SDK2: variants seen among roughly 807,000 people sequenced by gnomAD.
SDK2 encodes sidekick cell adhesion molecule 2, also known as protein sidekick-2.
SDK2 carries 105 observed loss-of-function variants against 253.9 expected under a neutral mutation model. The ratio of observed to expected loss-of-function variants is 0.41; its 90% CI spans 0.35 to 0.49. The LOEUF (loss-of-function observed/expected upper bound fraction) is 0.49. Ranked by LOEUF, SDK2 falls within the 20% of genes least tolerant of loss-of-function variation. The pLI is 0.06. For synonymous variants in SDK2, 1,249 were observed against 1,234.9 expected (o/e 1.01, Z -0.24); for missense variants, 2,608 against 3,003.0 (o/e 0.87, Z 3.07).
intron 2 of SDK2, among the ~76,000 whole-genome samples, chr17:73,482,394 CA>C: frequency 6.6e-6 from 1 of 152,348 alleles, no homozygotes. Context: ...CTGGGGCTTG[CA>C]CAAGCACCTG....
rs2063430354 is a variant in SDK2, at chr17:73,443,401, G to A, written c.614-2478C>T. ...CTGATATAGCTGAATCCATAAAAGTGTGCTCTAAGTTGTTTATTACATGCG... is the reference window on the plus strand; with the variant it reads ...CTGATATAGCTGAATCCATAAAAGTATGCTCTAAGTTGTTTATTACATGCG... On this transcript the variant is annotated intron_variant, in intron 5 of 44. Transcript: ENST00000392650. The surrounding 1 kb of genome is among the most constrained non-coding windows in gnomAD (Gnocchi z 4.6). 2.0e-5 allele frequency among the ~76,000 whole-genome samples: 3 copies of A among 152,146 alleles called. No homozygotes were observed.
At chr17:73,423,352 C>T (rs544122355) in intron 14 of SDK2, 34 bp downstream of exon 14, 31 of 1,375,302 alleles carry the variant, frequency 2.3e-5, no homozygotes, top group East Asian at 8.7e-5. Context: ...CAAGCTTGGG[C>T]GGGAGGTGTT....
rs953868643 is a variant in SDK2 at position 73,456,144 on chromosome 17, G to T, written c.332-91C>A. ...CAGGTTGGGAGTGGTGGCTATGGAC[G>T]GAAAATTCGGGGCAGACAGGATGAC... On this transcript the variant is annotated intron_variant, in intron 3 of 44. Coordinates refer to ENST00000392650, the MANE Select transcript of SDK2 (RefSeq NM_001144952.2). 2.1e-4 allele frequency: 279 copies of T among 1,356,056 alleles called. No homozygotes were observed. In the African/African-American group the frequency reaches 3.9e-3, roughly 19 times the overall value. 84.0% of individuals were successfully genotyped at this position (1,356,056 alleles called of 1,614,324 possible).
At chr17:73,373,842 G>A (rs1175517532) in intron 36 of SDK2, among the ~76,000 whole-genome samples, 1 of 151,488 alleles carries the variant, frequency 6.6e-6, no homozygotes, top group Non-Finnish European at 1.5e-5. Flanking sequence ...TCACCATGTT[G>A]GCCAGGCTGG....
intron 8 of SDK2, 124 bp downstream of exon 8, chr17:73,437,615 A>C: frequency 1.3e-6 from 1 of 775,368 alleles, no homozygotes; most frequent in Non-Finnish European, 2.2e-6. Context: ...AGACAGCCAG[A>C]CAGACTCTCT....
At chr17:73,473,921 A>G (rs970764606) in intron 2 of SDK2, among the ~76,000 whole-genome samples, 1 of 152,254 alleles carries the variant, frequency 6.6e-6, no homozygotes, top group Non-Finnish European at 1.5e-5. Flanking sequence ...AGAAAAATAA[A>G]TAGAAATGGT....
rs73999028 is a variant in SDK2 at position 73,388,373 on chromosome 17, T to C, written c.4193-336A>G. Among the ~76,000 whole-genome samples the C allele has an allele frequency of 5.7e-3, 866 of 152,298 alleles. 7 individuals carry two copies. The highest frequency in any genetic ancestry group is 0.02 in the African/African-American group (839 of 41,566). The stretch of plus-strand genomic sequence containing the variant: ...CCTGAAACGAGGCTGAGCCGGGCCC[T>C]GCGCTGTCCCTGATTGAGCAGGATG... On this transcript the variant is annotated intron_variant, in intron 29 of 44. Coordinates refer to ENST00000392650, the MANE Select transcript of SDK2 (RefSeq NM_001144952.2).
chr17:73,610,369 C>T (rs1339902310), intron 1 of SDK2, among the ~76,000 whole-genome samples: 1 of 152,214 alleles, frequency 6.6e-6, no homozygotes, highest in African/African-American at 2.4e-5. Context: ...AAGCTGCTTG[C>T]CCCATCCCAG....
intron 1 of SDK2, among the ~76,000 whole-genome samples, chr17:73,584,315 G>T (rs897507376): frequency 2.0e-5 from 3 of 152,224 alleles, no homozygotes; most frequent in Non-Finnish European, 4.4e-5. Context: ...TGCTACAGGG[G>T]TGGGAAGCTG....
chr17:73,619,533 C>A (rs1458198313), intron 1 of SDK2, among the ~76,000 whole-genome samples: 1 of 152,104 alleles, frequency 6.6e-6, no homozygotes, highest in Non-Finnish European at 1.5e-5. Context: ...AACTGGATAA[C>A]CACATGCAAA....
intron 15 of SDK2, among the ~76,000 whole-genome samples, chr17:73,422,041 C>T (rs770655079): frequency 1.1e-4 from 16 of 152,256 alleles, no homozygotes; most frequent in Non-Finnish European, 4.4e-5. Flanking sequence ...GCACAGCTCC[C>T]AGTAACTGGG....
At chr17:73,637,714 T>C (rs771200167) in intron 1 of SDK2, among the ~76,000 whole-genome samples, 2 of 152,220 alleles carry the variant, frequency 1.3e-5, no homozygotes, top group Non-Finnish European at 2.9e-5. Flanking sequence ...CTCTCCCTTT[T>C]CCTCTGGAGC....
intron 28 of SDK2, among the ~76,000 whole-genome samples, 184 bp downstream of exon 28, chr17:73,391,256 C>G (rs563219691): frequency 1.3e-5 from 2 of 152,334 alleles, no homozygotes; most frequent in South Asian, 4.1e-4. Flanking sequence ...ATCTTGCCCT[C>G]CGGAAGATAA....
intron 1 of SDK2, among the ~76,000 whole-genome samples, chr17:73,607,292 C>T (rs573556337): frequency 2.0e-5 from 3 of 152,174 alleles, no homozygotes; most frequent in East Asian, 1.9e-4. Flanking sequence ...ACAGCTGAGA[C>T]GTCCACTCTG....
chr17:73,507,465 T>A lies in SDK2; in HGVS notation c.197A>T (p.Glu66Val). 2 of 1,551,516 alleles carry A rather than the reference T, an allele frequency of 1.3e-6. No homozygotes were observed. The highest frequency in any genetic ancestry group is 2.4e-5 in the East Asian group (1 of 40,908). The change falls in exon 2 of 45, where the codon GAG (glutamate) becomes GTG (valine). Residue 66 changes from glutamate to valine, a missense_variant. This residue lies in a region of SDK2 where 1,505 missense variants were observed against 1,859.1 expected (regional missense o/e 0.81). Transcript: ENST00000392650. ...GTATTCCAGGGAGAACTTGGTCAGCTCCCTGTTGTTGTGGAGCCACTTGAA... is the reference window on the plus strand; with the variant it reads ...GTATTCCAGGGAGAACTTGGTCAGCACCCTGTTGTTGTGGAGCCACTTGAA... ...LEFKWLHNNR[E>V]LTKFSLEYRY...
intron 5 of SDK2, among the ~76,000 whole-genome samples, chr17:73,445,254 C>G (rs1287311483): frequency 2.6e-5 from 4 of 152,114 alleles, no homozygotes; most frequent in African/African-American, 9.7e-5. Flanking sequence ...AAGATAACTT[C>G]TTGTTATGTT....
At chr17:73,582,576 C>A (rs990906975) in intron 1 of SDK2, among the ~76,000 whole-genome samples, 1 of 152,270 alleles carries the variant, frequency 6.6e-6, no homozygotes, top group East Asian at 1.9e-4. Flanking sequence ...GAGTGATAGC[C>A]GAGGGGCCAG....
At chr17:73,433,304 A>G (rs969227619) in intron 10 of SDK2, among the ~76,000 whole-genome samples, 1 of 151,118 alleles carries the variant, frequency 6.6e-6, no homozygotes, top group Non-Finnish European at 1.5e-5. Flanking sequence ...TTTTTTTGAG[A>G]CGGAGTCTCG....
intron 1 of SDK2, among the ~76,000 whole-genome samples, chr17:73,635,158 G>A (rs2143280323): frequency 6.6e-6 from 1 of 151,960 alleles, no homozygotes; most frequent in South Asian, 2.1e-4. Flanking sequence ...GCTCATTTTT[G>A]TATTTTGTAT....
Sources: allele counts gnomAD v4.1 joint callset (sites outside exome capture counted in the v4.1 genomes callset), GRCh38; gene constraint gnomAD v4.1.1; regional missense constraint gnomAD v4.1.1; non-coding constraint Gnocchi (gnomAD v3.1); transcripts MANE v1.5; gene names NCBI Gene and HGNC (gene_info 2026-07-23, HGNC 2026-07-21).